RASGRF1: variants seen among roughly 807,000 people sequenced by gnomAD.
RASGRF1 encodes the protein Ras protein specific guanine nucleotide releasing factor 1.
In RASGRF1, 40 loss-of-function variants were observed where a neutral mutation model predicts 138.7. That is an observed-to-expected ratio of 0.29 (90% CI 0.22 to 0.38). The LOEUF (loss-of-function observed/expected upper bound fraction) is 0.38. RASGRF1 is among the 10% of genes least tolerant of loss of function. The pLI, the probability that RASGRF1 is intolerant of heterozygous loss-of-function variation, is 1.00. For synonymous variants in RASGRF1, 614 were observed against 663.2 expected (o/e 0.93, Z 1.14); for missense variants, 1,108 against 1,650.4 (o/e 0.67, Z 5.69).
At chr15:79,026,456 C>A (rs1392937363) in intron 9 of RASGRF1, among the ~76,000 whole-genome samples, 2 of 152,210 alleles carry the variant, frequency 1.3e-5, no homozygotes, top group African/African-American at 4.8e-5. Flanking sequence ...GGTGTTCCTG[C>A]GTTTGTCCCC....
rs1033048648 is a variant in RASGRF1, at chr15:79,090,722, C to T, written c.-224G>A. The T allele has an allele frequency of 4.8e-6, 3 of 621,200 alleles. No individual in the cohort carries two copies. The allele number at this position is 621,200 out of a possible 1,614,324, so 38.5% of individuals were successfully genotyped here. Reference sequence around the variant, plus strand: ...GGAACCTCTTCTCCGCTCCGCAGAGCCCCAGTACCCGGAAGATGCCGCCCG... The same window carrying T: ...GGAACCTCTTCTCCGCTCCGCAGAGTCCCAGTACCCGGAAGATGCCGCCCG... On this transcript the variant is annotated 5_prime_UTR_variant, in exon 1 of 27. Transcript: ENST00000558480.
chr15:79,061,426 A>ATATATATATATATATATATATATATT, intron 2 of RASGRF1, among the ~76,000 whole-genome samples: 1 of 146,968 alleles, frequency 6.8e-6, no homozygotes, highest in African/African-American at 2.5e-5. Context: ...ATATATATAT[A>ATATATATATATATATATATATATATT]TATATCATTC....
At position 78,998,701 on chromosome 15, in the gene RASGRF1, G is replaced by C; in HGVS notation, c.2853+18C>G. ...CTGGTGGTCCCCAGCAGCCTGCCCA[G>C]GGAGGGCTCCCACCCACCTGAGAGT... On this transcript the variant is annotated intron_variant, in intron 18 of 26. Transcript: ENST00000558480. 6.3e-7 allele frequency: 1 copy of C among 1,598,838 alleles called. No homozygotes were observed. Among genetic ancestry groups the C allele is most frequent in the Non-Finnish European group, 8.6e-7 (1 of 1,166,340 alleles).
In RASGRF1 at chr15:79,090,774, A is replaced by T. The variant is rs2058046449; in HGVS notation, c.-276T>A. The T allele has an allele frequency of 4.2e-6, 2 of 473,846 alleles. No homozygotes were observed. Among genetic ancestry groups the T allele is most frequent in the Non-Finnish European group, 7.4e-6 (2 of 269,412 alleles). The allele number at this position is 473,846 out of a possible 1,614,324, so 29.4% of individuals were successfully genotyped here. Reference sequence around the variant, plus strand: ...CCCTCCTCCGGTGCCGGGCAAACTGAGGGACTGGCGATCTGCGCGCTGGCG... The same window carrying T: ...CCCTCCTCCGGTGCCGGGCAAACTGTGGGACTGGCGATCTGCGCGCTGGCG... On this transcript the variant is annotated 5_prime_UTR_variant, in exon 1 of 27. Transcript: ENST00000558480.
intron 1 of RASGRF1, among the ~76,000 whole-genome samples, chr15:79,072,212 C>T (rs970071124): frequency 9.0e-5 from 13 of 145,018 alleles, no homozygotes; most frequent in East Asian, 6.4e-4. Flanking sequence ...GAGGACCTCA[C>T]GAGGGTGGTG....
chr15:79,003,689 T>C, intron 15 of RASGRF1, 113 bp downstream of exon 15: 1 of 1,462,572 alleles, frequency 6.8e-7, no homozygotes, highest in Non-Finnish European at 9.1e-7. Flanking sequence ...CCCAAGCCTC[T>C]CCCTTCCTTC....
chr15:79,023,373 A>T (rs939630711), intron 10 of RASGRF1, among the ~76,000 whole-genome samples: 2 of 152,160 alleles, frequency 1.3e-5, no homozygotes, highest in Non-Finnish European at 2.9e-5. Flanking sequence ...TCCTTATTTG[A>T]TAGAGGAAGT....
At chr15:79,062,974 C>G (rs536360079) in intron 2 of RASGRF1, among the ~76,000 whole-genome samples, 76 of 152,156 alleles carry the variant, frequency 5.0e-4, no homozygotes, top group Non-Finnish European at 7.4e-4. Context: ...GAGAAATGAG[C>G]ATTTCAATGC....
intron 5 of RASGRF1, among the ~76,000 whole-genome samples, chr15:79,039,985 C>T (rs1196638320): frequency 1.3e-5 from 2 of 152,020 alleles, no homozygotes; most frequent in Non-Finnish European, 2.9e-5. Context: ...CCCGGGCTGG[C>T]CTTGAATTCC....
intron 3 of RASGRF1, among the ~76,000 whole-genome samples, chr15:79,052,826 G>A (rs1367637906): frequency 1.3e-5 from 2 of 152,212 alleles, no homozygotes; most frequent in Admixed American, 6.5e-5. Flanking sequence ...GATGGCAGGA[G>A]AGATGGGGAG....
At chr15:79,069,163 C>T (rs1255984978) in intron 1 of RASGRF1, among the ~76,000 whole-genome samples, 1 of 152,164 alleles carries the variant, frequency 6.6e-6, no homozygotes, top group African/African-American at 2.4e-5. Flanking sequence ...GAACCCTGCA[C>T]AGAGCCTAGT....
At chr15:79,062,537 A>AT (rs1323867351) in intron 2 of RASGRF1, among the ~76,000 whole-genome samples, 6 of 151,530 alleles carry the variant, frequency 4.0e-5, no homozygotes, top group South Asian at 2.1e-4. Context: ...TTTTATTTTT[A>AT]TTTTTTTTAT....
chr15:79,056,092 G>C (rs1008499302), intron 3 of RASGRF1, among the ~76,000 whole-genome samples: 2 of 152,260 alleles, frequency 1.3e-5, no homozygotes, highest in East Asian at 1.9e-4. Flanking sequence ...AGGCGTTTGA[G>C]CTTGGTAGGA....
chr15:79,044,264 G>A (rs1045970903), intron 5 of RASGRF1, among the ~76,000 whole-genome samples: 2 of 152,194 alleles, frequency 1.3e-5, no homozygotes, highest in African/African-American at 2.4e-5. Flanking sequence ...TTGGGCCTTT[G>A]CACATGCTGT....
intron 1 of RASGRF1, among the ~76,000 whole-genome samples, chr15:79,072,376 T>G (rs942984369): frequency 6.7e-6 from 1 of 149,044 alleles, no homozygotes; most frequent in Non-Finnish European, 1.5e-5. Flanking sequence ...CCCGGGTTCA[T>G]GCCATTCTCC....
chr15:79,054,116 G>A (rs1030910965), intron 3 of RASGRF1, among the ~76,000 whole-genome samples: 2 of 152,256 alleles, frequency 1.3e-5, no homozygotes, highest in Non-Finnish European at 2.9e-5. Flanking sequence ...TGGCATGATA[G>A]AGTGTTGTGC....
intron 3 of RASGRF1, among the ~76,000 whole-genome samples, chr15:79,051,948 T>G (rs1489415208): frequency 6.6e-6 from 1 of 152,204 alleles, no homozygotes; most frequent in Non-Finnish European, 1.5e-5. Flanking sequence ...AGGCAGCCTT[T>G]CCCTGACACT....
At chr15:78,988,123 C>T (rs768675075) in intron 22 of RASGRF1, among the ~76,000 whole-genome samples, 3 of 152,150 alleles carry the variant, frequency 2.0e-5, no homozygotes, top group East Asian at 1.9e-4. Flanking sequence ...TGAAGTAGAC[C>T]GTGTGCGTTC....
chr15:79,077,530 C>A (rs979462835), intron 1 of RASGRF1, among the ~76,000 whole-genome samples: 1 of 152,282 alleles, frequency 6.6e-6, no homozygotes, highest in South Asian at 2.1e-4. Context: ...CACATACACA[C>A]AACGTAGGAT....
Sources: gnomAD v4.1 joint callset for allele counts (sites outside exome capture counted in the v4.1 genomes callset) on GRCh38, gnomAD v4.1.1 for gene constraint, MANE v1.5 for transcripts, NCBI Gene and HGNC (gene_info 2026-07-23, HGNC 2026-07-21) for gene names.